The following PUS7 variants were observed in gnomAD, a reference collection of about 807,000 sequenced individuals.
PUS7 encodes the protein pseudouridine synthase 7.
In PUS7, 48 loss-of-function variants were observed where a neutral mutation model predicts 79.8. The ratio of observed to expected loss-of-function variants is 0.60; its 90% confidence interval spans 0.48 to 0.76. The LOEUF is 0.76. PUS7 is among the 30% of genes least tolerant of loss of function. PUS7 has a pLI of 0.00. For missense variants in PUS7, 729 were observed against 797.6 expected (o/e 0.91, Z 1.04); for synonymous variants, 286 against 272.2 (o/e 1.05, Z -0.50).
At chr7:105,518,310 C>CA (rs540176839) in intron 1 of PUS7, among the ~76,000 whole-genome samples, 78 of 146,554 alleles carry the variant, frequency 5.3e-4, no homozygotes, top group African/African-American at 7.2e-4. Flanking sequence ...GACCCTGTCT[C>CA]AAAAAAAAAA....
At chr7:105,493,313 T>C (rs911935983) in intron 6 of PUS7, among the ~76,000 whole-genome samples, 7 of 152,198 alleles carry the variant, frequency 4.6e-5, no homozygotes, top group African/African-American at 1.7e-4. Context: ...CCGTTCCATA[T>C]GAGAAGGAAA....
chr7:105,482,128 AGG>A (rs1824347663), intron 8 of PUS7, among the ~76,000 whole-genome samples, 182 bp downstream of exon 8: 1 of 152,084 alleles, frequency 6.6e-6, no homozygotes, highest in Non-Finnish European at 1.5e-5. Flanking sequence ...AATCCTACAG[AGG>A]TATTTGCTCT....
chr7:105,462,823 G>A (rs1823490446), intron 13 of PUS7, 73 bp from the exon 14 acceptor site: 5 of 1,396,872 alleles, frequency 3.6e-6, no homozygotes, highest in South Asian at 1.3e-5. Context: ...ATTATAAAGA[G>A]AGTAACAATG....
chr7:105,495,311 G>A, intron 5 of PUS7, 58 bp from the exon 6 acceptor site: 4 of 1,017,716 alleles, frequency 3.9e-6, no homozygotes, highest in Non-Finnish European at 6.1e-6. Flanking sequence ...AGATGTAAGA[G>A]CTCATTTTTC....
At chr7:105,458,936 T>G (rs371441572) in intron 15 of PUS7, among the ~76,000 whole-genome samples, 1 of 152,114 alleles carries the variant, frequency 6.6e-6, no homozygotes, top group Non-Finnish European at 1.5e-5. Context: ...TGGGGAGAAA[T>G]ACTCCATCAC....
intron 9 of PUS7, among the ~76,000 whole-genome samples, chr7:105,473,338 C>T (rs1023673422): frequency 6.6e-6 from 1 of 152,004 alleles, no homozygotes; most frequent in African/African-American, 2.4e-5. Context: ...CAACCTCTGC[C>T]TCTTGGGCTT....
chr7:105,481,701 T>A (rs543171336), intron 8 of PUS7, among the ~76,000 whole-genome samples: 2 of 151,856 alleles, frequency 1.3e-5, no homozygotes, highest in Non-Finnish European at 2.9e-5. Context: ...TTGCCTATTC[T>A]AGGCGCTTTA....
At position 105,502,536 on chromosome 7, in the gene PUS7, G is replaced by C; in HGVS notation, c.614C>G (p.Thr205Ser). The C allele has an allele frequency of 6.2e-7, 1 of 1,613,870 alleles. No individual in the cohort carries two copies. The highest frequency in any genetic ancestry group is 8.5e-7 in the Non-Finnish European group (1 of 1,179,934). Residue 205 changes from threonine to serine, a missense_variant, in exon 5 of 16, where the codon ACC becomes AGC. Transcript: ENST00000469408. Reference protein sequence around the residue: ...EVIEDTKEKRTIIHQAIKSLF... With the variant: ...EVIEDTKEKRSIIHQAIKSLF... ...AGATTTGATAGCCTGATGGATGATG[G>C]TTCTTTTCTCTTTGGTGTCCTCGAT...
chr7:105,484,633 A>G (rs1270343619), intron 7 of PUS7, among the ~76,000 whole-genome samples: 1 of 151,732 alleles, frequency 6.6e-6, no homozygotes, highest in Non-Finnish European at 1.5e-5. Context: ...AGCCTGGCCA[A>G]TATGGTGAAA....
chr7:105,468,869 A>G (rs1165507707), intron 11 of PUS7, among the ~76,000 whole-genome samples: 1 of 151,922 alleles, frequency 6.6e-6, no homozygotes, highest in Non-Finnish European at 1.5e-5. Flanking sequence ...TAATCGTAGT[A>G]ATAAGAAACT....
chr7:105,498,284 C>T (rs1320843073), intron 5 of PUS7, among the ~76,000 whole-genome samples: 1 of 152,118 alleles, frequency 6.6e-6, no homozygotes, highest in Non-Finnish European at 1.5e-5. Flanking sequence ...TTATTTTGGG[C>T]AATTTGTGTG....
intron 1 of PUS7, among the ~76,000 whole-genome samples, chr7:105,518,861 C>G (rs1254244311): frequency 1.3e-5 from 2 of 151,106 alleles, no homozygotes; most frequent in Admixed American, 6.6e-5. Context: ...CTCTGCCTCC[C>G]GGGTACACGA....
chr7:105,504,148 C>T (rs1825364980), intron 4 of PUS7, among the ~76,000 whole-genome samples: 1 of 135,062 alleles, frequency 7.4e-6, no homozygotes, highest in Non-Finnish European at 1.6e-5. Flanking sequence ...CGGCTCACTG[C>T]AACCTCCACC....
chr7:105,517,321 T>C (rs1976969), intron 1 of PUS7, among the ~76,000 whole-genome samples: 20,813 of 151,938 alleles, frequency 0.14, 1,854 homozygotes, highest in South Asian at 0.26. Context: ...CCAACACGCC[T>C]GGCTAATTTT....
At chr7:105,506,795 C>G (rs895947801) in intron 2 of PUS7, among the ~76,000 whole-genome samples, 2 of 152,084 alleles carry the variant, frequency 1.3e-5, no homozygotes, top group African/African-American at 4.8e-5. Flanking sequence ...AGAAAAGACC[C>G]TCTTAGCTTC....
At chr7:105,519,787 G>A (rs1317596839) in intron 1 of PUS7, among the ~76,000 whole-genome samples, 2 of 152,140 alleles carry the variant, frequency 1.3e-5, no homozygotes, top group African/African-American at 2.4e-5. Context: ...GAGAGTAAGA[G>A]GGGTGTTCTT....
intron 1 of PUS7, among the ~76,000 whole-genome samples, chr7:105,514,373 G>C (rs536198897): frequency 5.9e-5 from 9 of 152,292 alleles, no homozygotes; most frequent in Middle Eastern, 3.4e-3. Flanking sequence ...GGGAGGCCAA[G>C]GCAGGTGGAT....
rs1461488904 is a variant in PUS7 at position 105,489,164 on chromosome 7, A to AG, written c.920+2375_920+2376insC. On this transcript the variant is annotated intron_variant, in intron 7 of 15. Transcript: ENST00000469408. ...CTCCATCTCAAAAAAAAAAAAAAAA[A>AG]AAAAGAAAGAAAGAAAAGAAAAAGA... is the stretch of plus-strand genomic sequence containing the variant. 2.0e-5 allele frequency among the ~76,000 whole-genome samples: 3 copies of AG among 150,934 alleles called. No homozygotes were observed. The East Asian group carries it at 5.8e-4, about 29-fold the overall frequency.
intron 7 of PUS7, among the ~76,000 whole-genome samples, chr7:105,486,990 G>A (rs1824577253): frequency 6.6e-6 from 1 of 152,030 alleles, no homozygotes; most frequent in South Asian, 2.1e-4. Context: ...AACCTCAGAG[G>A]CTGAGGTTGC....
Sources: gnomAD v4.1 joint callset for allele counts (sites outside exome capture counted in the v4.1 genomes callset) on GRCh38, gnomAD v4.1.1 for gene constraint, MANE v1.5 for transcripts, NCBI Gene and HGNC (gene_info 2026-07-23, HGNC 2026-07-21) for gene names.